Variants in ASTN2 observed in about 807,000 individuals in gnomAD.
ASTN2 encodes astrotactin-2.
A neutral mutation model predicts 139.8 loss-of-function variants in ASTN2; 54 were observed. That is an observed-to-expected ratio of 0.39 (90% CI 0.31 to 0.48). ASTN2 has a LOEUF of 0.48. Ranked by LOEUF, ASTN2 falls within the 20% of genes least tolerant of loss-of-function variation. The pLI, the probability that ASTN2 is intolerant of heterozygous loss-of-function variation, is 0.95. For missense variants in ASTN2, 1,565 were observed against 1,725.1 expected (o/e 0.91, Z 1.64); for synonymous variants, 756 against 719.5 (o/e 1.05, Z -0.81).
At position 116,851,871 on chromosome 9, in the gene ASTN2, C is replaced by T. The variant is rs149814326; in HGVS notation, c.2040+11712G>A. On this transcript the variant is annotated intron_variant, in intron 11 of 22. Transcript: ENST00000313400. ...CAAATCCCACTGGCTCTTATATAGG[C>T]CTATCTGCAGTGTCTTCCCCCTCTG... 6.1e-3 allele frequency among the ~76,000 whole-genome samples: 923 copies of T among 152,164 alleles called. 8 individuals are homozygous for T. Among genetic ancestry groups the T allele is most frequent in the African/African-American group, 0.021 (868 of 41,484 alleles).
chr9:116,473,427 A>G (rs963850614), intron 20 of ASTN2, among the ~76,000 whole-genome samples: 2 of 152,196 alleles, frequency 1.3e-5, no homozygotes, highest in Non-Finnish European at 2.9e-5. Flanking sequence ...GAGGGAGGAA[A>G]GGCATCTCTT....
intron 2 of ASTN2, among the ~76,000 whole-genome samples, chr9:117,290,028 C>T (rs538227227): frequency 2.0e-5 from 3 of 152,262 alleles, no homozygotes; most frequent in East Asian, 1.9e-4. Flanking sequence ...AACTAAAGGT[C>T]GCTCCGTTGT....
intron 10 of ASTN2, among the ~76,000 whole-genome samples, chr9:116,958,852 G>T (rs933164772): frequency 6.6e-6 from 1 of 152,156 alleles, no homozygotes; most frequent in African/African-American, 2.4e-5. Flanking sequence ...CATTCAGTGA[G>T]TTTGGACTTA....
At chr9:116,573,149 C>A (rs2131694022) in intron 19 of ASTN2, among the ~76,000 whole-genome samples, 1 of 152,282 alleles carries the variant, frequency 6.6e-6, no homozygotes, top group Non-Finnish European at 1.5e-5. Context: ...AGAAACACAA[C>A]CAAAGGCACC....
chr9:117,368,956 C>T (rs11795285), intron 1 of ASTN2, among the ~76,000 whole-genome samples: 4,084 of 152,064 alleles, frequency 0.027, 88 homozygotes, highest in Middle Eastern at 0.051. Flanking sequence ...TCAAGTAAAA[C>T]GGGGTAAATT....
intron 22 of ASTN2, among the ~76,000 whole-genome samples, chr9:116,429,339 G>GAGA (rs1554762333): frequency 1.1e-5 from 1 of 90,854 alleles, no homozygotes; most frequent in Non-Finnish European, 2.0e-5. Context: ...AACTCTATCT[G>GAGA]AAAAAAAAAA....
At chr9:116,793,789 G>A (rs1830616585) in intron 13 of ASTN2, among the ~76,000 whole-genome samples, 1 of 152,178 alleles carries the variant, frequency 6.6e-6, no homozygotes, top group South Asian at 2.1e-4. Flanking sequence ...TATTTTAGCA[G>A]GCAATTGGTT....
chr9:116,974,648 A>G (rs544877323), intron 10 of ASTN2, among the ~76,000 whole-genome samples: 10 of 151,574 alleles, frequency 6.6e-5, no homozygotes, highest in African/African-American at 2.2e-4. Flanking sequence ...AGCTGGGATT[A>G]TAGGCGTGCA....
chr9:117,409,065 A>G (rs1255323724), intron 1 of ASTN2, among the ~76,000 whole-genome samples: 2 of 152,196 alleles, frequency 1.3e-5, no homozygotes, highest in Non-Finnish European at 2.9e-5. Context: ...CTAACCAAAT[A>G]TCTCAATTAG....
intron 10 of ASTN2, among the ~76,000 whole-genome samples, chr9:116,945,754 G>A (rs981935921): frequency 5.9e-5 from 9 of 152,118 alleles, no homozygotes; most frequent in Non-Finnish European, 1.2e-4. Context: ...CACACATAGA[G>A]TTCTGGATGT....
At chr9:117,022,601 G>A (rs181970452) in intron 6 of ASTN2, among the ~76,000 whole-genome samples, 3 of 152,202 alleles carry the variant, frequency 2.0e-5, no homozygotes, top group East Asian at 1.9e-4. Context: ...GACTTAACAC[G>A]GGAGGTGGGG....
chr9:117,217,870 C>T (rs1018714148), intron 2 of ASTN2, among the ~76,000 whole-genome samples: 2 of 152,214 alleles, frequency 1.3e-5, no homozygotes, highest in African/African-American at 2.4e-5. Flanking sequence ...GCACAACTTG[C>T]CTTGGATCCC....
In ASTN2 at chr9:117,368,290, C is replaced by G. The variant is rs1035873256; in HGVS notation, c.442+46207G>C. 5.9e-5 allele frequency among the ~76,000 whole-genome samples: 9 copies of G among 151,978 alleles called. No homozygotes were observed. The East Asian group carries it at 1.8e-3, about 30-fold the overall frequency. ...GTGCATGCACATGCGCACACATGTG[C>G]ATGCACACACACACATTCACAATTT... On this transcript the variant is annotated intron_variant, in intron 1 of 22. Coordinates refer to ENST00000313400, the MANE Select transcript of ASTN2 (RefSeq NM_001365068.1).
In ASTN2 at chr9:116,699,215, A is replaced by G; in HGVS notation, c.2806+26556T>C. ...TTGTAGTAACCGATGTGGAAGGTGG[A>G]AAGCTTTGGTGTTTCACAGTTGATC... On this transcript the variant is annotated intron_variant, in intron 16 of 22. Transcript: ENST00000313400. The surrounding 1 kb of genome is among the most constrained non-coding windows in gnomAD (Gnocchi z 4.2). 6.2e-7 allele frequency: 1 copy of G among 1,614,222 alleles called. No individual in the cohort carries two copies. Among genetic ancestry groups the G allele is most frequent in the Non-Finnish European group, 8.5e-7 (1 of 1,180,046 alleles).
intron 19 of ASTN2, among the ~76,000 whole-genome samples, chr9:116,536,340 C>A (rs1450493835): frequency 6.6e-6 from 1 of 152,054 alleles, no homozygotes; most frequent in African/African-American, 2.4e-5. Context: ...TCTTCTGAAG[C>A]CTTCTTCTCT....
intron 3 of ASTN2, among the ~76,000 whole-genome samples, chr9:117,202,643 A>G (rs1831763938): frequency 6.6e-6 from 1 of 151,970 alleles, no homozygotes; most frequent in African/African-American, 2.4e-5. Context: ...AAATTCTTTA[A>G]GAATGTTGAA....
chr9:116,912,986 C>T (rs1359491108), intron 10 of ASTN2, among the ~76,000 whole-genome samples: 1 of 151,368 alleles, frequency 6.6e-6, no homozygotes, highest in African/African-American at 2.4e-5. Flanking sequence ...TCACGGCAAC[C>T]TCTGCCTCCT....
intron 20 of ASTN2, among the ~76,000 whole-genome samples, chr9:116,474,507 T>C (rs776343619): frequency 2.6e-5 from 4 of 152,128 alleles, no homozygotes; most frequent in Non-Finnish European, 5.9e-5. Context: ...TCTCTACACA[T>C]CATTAATGGT....
chr9:117,199,796 T>G (rs1476199543), intron 3 of ASTN2, among the ~76,000 whole-genome samples: 2 of 152,200 alleles, frequency 1.3e-5, no homozygotes, highest in Non-Finnish European at 1.5e-5. Flanking sequence ...GTGTCCTCTC[T>G]TATTTCCTTG....
Sources: gnomAD v4.1 joint callset for allele counts (sites outside exome capture counted in the v4.1 genomes callset) on GRCh38, gnomAD v4.1.1 for gene constraint, Gnocchi (gnomAD v3.1) non-coding constraint, MANE v1.5 for transcripts, NCBI Gene and HGNC (gene_info 2026-07-23, HGNC 2026-07-21) for gene names.